MTCL1: variants seen among roughly 807,000 people sequenced by gnomAD.
MTCL1 encodes microtubule crosslinking factor 1.
MTCL1 carries 79 observed loss-of-function variants against 141.4 expected under a neutral mutation model. The ratio of observed to expected loss-of-function variants is 0.56; its 90% CI spans 0.47 to 0.67. The LOEUF is 0.67. Among genes scored for constraint, MTCL1 ranks in the 30% least tolerant of loss-of-function variants. The probability of loss-of-function intolerance (pLI) is 0.00; values close to 1 mark genes in which losing one functional copy is unlikely to be tolerated. For synonymous variants in MTCL1, 914 were observed against 875.8 expected, an observed-to-expected ratio of 1.04 and a Z score of -0.77; for missense variants, 2,177 against 2,113.9, an observed-to-expected ratio of 1.03 and a Z score of -0.59.
intron 6 of MTCL1, among the ~76,000 whole-genome samples, 187 bp downstream of exon 5, chr18:8,785,030 T>G (rs555453767): frequency 3.9e-5 from 6 of 152,080 alleles, no homozygotes; most frequent in East Asian, 1.9e-4. Flanking sequence ...TGTTTTTTTT[T>G]TTTTTAAGTT....
intron 4 of MTCL1, among the ~76,000 whole-genome samples, chr18:8,740,380 A>G (rs1472264900): frequency 4.6e-5 from 7 of 152,208 alleles, no homozygotes; most frequent in South Asian, 2.1e-4. Flanking sequence ...TTTTATTTGT[A>G]TGTTACAGCC....
chr18:8,754,153 C>CT (rs2096385655), intron 4 of MTCL1, among the ~76,000 whole-genome samples: 1 of 152,150 alleles, frequency 6.6e-6, no homozygotes, highest in Non-Finnish European at 1.5e-5. Flanking sequence ...TCACTGCAAC[C>CT]TTTACATCCT....
Position 8,755,255 on chromosome 18 carries a change from G to A in MTCL1, c.358-22578G>A, listed in dbSNP as rs72936062. On this transcript the variant is annotated intron_variant, in intron 4 of 16. Coordinates refer to ENST00000359865, the Ensembl canonical transcript of MTCL1. Reference sequence around the variant, plus strand: ...ACCTAGGCCTTCTCCTGCCAAGGTCGCAGGTGCTATTTGGGATGTCGTTTG... The same window carrying A: ...ACCTAGGCCTTCTCCTGCCAAGGTCACAGGTGCTATTTGGGATGTCGTTTG... Among the ~76,000 whole-genome samples, 1,055 of 152,334 alleles carry A rather than the reference G, an allele frequency of 6.9e-3. 12 individuals carry two copies. Among genetic ancestry groups the A allele is most frequent in the East Asian group, 0.038 (197 of 5,190 alleles).
chr18:8,731,664 G>A (rs1299750201), intron 4 of MTCL1, among the ~76,000 whole-genome samples: 1 of 152,162 alleles, frequency 6.6e-6, no homozygotes, highest in Admixed American at 6.5e-5. Context: ...CAAATTTGTA[G>A]CATTGTCTGT....
rs1200899881 is a variant in MTCL1, at chr18:8,828,003, C to G, written c.4723-905C>G. Reference sequence around the variant, plus strand: ...GCAGGGCCTCAGAGCGGGCATGGAGCACTCATCGGCAGCATCTAAATGCCA... The same window carrying G: ...GCAGGGCCTCAGAGCGGGCATGGAGGACTCATCGGCAGCATCTAAATGCCA... On this transcript the variant is annotated intron_variant, in intron 15 of 16. Coordinates refer to ENST00000359865, the Ensembl canonical transcript of MTCL1. This position sits in a 1 kb window ranked among gnomAD's most constrained non-coding sequence, Gnocchi z 5.2. 3.9e-5 allele frequency among the ~76,000 whole-genome samples: 6 copies of G among 152,210 alleles called. No homozygotes were observed. The highest frequency in any genetic ancestry group is 8.8e-5 in the Non-Finnish European group (6 of 68,046).
Position 8,706,650 on chromosome 18 carries a change from G to A in MTCL1, c.990G>A (p.Ala330=), listed in dbSNP as rs1242861472. 3 of 1,546,102 alleles carry A rather than the reference G, an allele frequency of 1.9e-6. No homozygotes were observed. In the African/African-American group the frequency reaches 4.1e-5, roughly 21 times the overall value. ...GCGAGCAGTCTCGGCTCGTGCCAGCGGCGGAGGAAGAAGAGCTGCTGCGGG... is the reference window on the plus strand; with the variant it reads ...GCGAGCAGTCTCGGCTCGTGCCAGCAGCGGAGGAAGAAGAGCTGCTGCGGG... The change falls in exon 1 of 14, where the codon GCG becomes GCA. Residue 330 remains alanine (A), a synonymous_variant. Transcript: ENST00000306329.
exon 9 of MTCL1, chr18:8,796,251 A>G: frequency 1.9e-6 from 3 of 1,614,124 alleles, no homozygotes; most frequent in African/African-American, 1.3e-5. Flanking sequence ...GAGCACCTCT[A>G]TGCCTTGAGG....
chr18:8,809,621 C>T, intron 11 of MTCL1: 1 of 1,528,206 alleles, frequency 6.5e-7, no homozygotes, highest in Non-Finnish European at 8.8e-7. Flanking sequence ...AGGGCACACA[C>T]CTGAAAAAAA....
chr18:8,815,490 G>A (rs1268759745), intron 12 of MTCL1, among the ~76,000 whole-genome samples: 1 of 151,896 alleles, frequency 6.6e-6, no homozygotes. Flanking sequence ...GGAGGTGGGG[G>A]ATAGCATTAG....
chr18:8,763,739 G>A (rs543875108), intron 4 of MTCL1, among the ~76,000 whole-genome samples: 28 of 152,254 alleles, frequency 1.8e-4, no homozygotes, highest in Non-Finnish European at 1.9e-4. Context: ...TAATAGCAGG[G>A]GAGAGAACAC....
intron 12 of MTCL1, among the ~76,000 whole-genome samples, chr18:8,815,361 G>A (rs775177): frequency 0.35 from 53,192 of 151,712 alleles, 9,662 homozygotes; most frequent in East Asian, 0.56. Context: ...TCTCAGTACT[G>A]TCGCAAGGAC....
intron 6 of MTCL1, 114 bp from the exon 6 acceptor site, chr18:8,785,822 T>C: frequency 2.3e-6 from 3 of 1,308,368 alleles, no homozygotes; most frequent in Non-Finnish European, 3.1e-6. Flanking sequence ...CCCTTGTCCA[T>C]TTTTGTTTTC....
In MTCL1 at chr18:8,825,004, CG is replaced by C; in HGVS notation, c.3496del (p.Asp1166ThrfsTer3). 6.2e-7 allele frequency: 1 copy of C among 1,613,256 alleles called. No individual in the cohort carries two copies. The highest frequency in any genetic ancestry group is 8.5e-7 in the Non-Finnish European group (1 of 1,180,030). On this transcript the variant is annotated frameshift_variant, in exon 15 of 17. Transcript: ENST00000359865. LOFTEE classifies it high-confidence loss of function. ...CTAACCACAAGTGTCACCATGACCA[CG>C]GACACCATGACCAGCCCAGAGCACT...
At chr18:8,821,101 A>T (rs1187849156) in intron 13 of MTCL1, among the ~76,000 whole-genome samples, 1 of 151,926 alleles carries the variant, frequency 6.6e-6, no homozygotes, top group East Asian at 1.9e-4. Flanking sequence ...TCTCTCTCTC[A>T]GTCTCACTCT....
chr18:8,784,240 G>T, exon 6 of MTCL1: 1 of 1,608,734 alleles, frequency 6.2e-7, no homozygotes, highest in Non-Finnish European at 8.5e-7. Context: ...CCCACCTGGG[G>T]CTGCGTGCCC....
chr18:8,820,461 T>G (rs2076809847), intron 13 of MTCL1, among the ~76,000 whole-genome samples: 1 of 152,204 alleles, frequency 6.6e-6, no homozygotes, highest in Non-Finnish European at 1.5e-5. Flanking sequence ...GTTCAACAGT[T>G]GCTGCACCTA....
intron 4 of MTCL1, among the ~76,000 whole-genome samples, chr18:8,777,074 A>T (rs2096513646): frequency 6.6e-6 from 1 of 152,190 alleles, no homozygotes; most frequent in Admixed American, 6.5e-5. Context: ...CTCTACTAAA[A>T]ATACAAAAAA....
chr18:8,785,759 T>A, intron 6 of MTCL1, 177 bp from the exon 6 acceptor site: 4 of 727,102 alleles, frequency 5.5e-6, no homozygotes, highest in Non-Finnish European at 9.0e-6. Context: ...CACCACTGTC[T>A]TTAAGCCTGT....
At chr18:8,757,676 A>G (rs900233403) in intron 4 of MTCL1, among the ~76,000 whole-genome samples, 3 of 152,176 alleles carry the variant, frequency 2.0e-5, no homozygotes, top group Non-Finnish European at 1.5e-5. Context: ...ATGCCAGGGC[A>G]TGTTTGGAGA....
Sources: gnomAD v4.1 joint callset for allele counts (sites outside exome capture counted in the v4.1 genomes callset) on GRCh38, gnomAD v4.1.1 for gene constraint, Gnocchi (gnomAD v3.1) non-coding constraint, MANE v1.5 for transcripts, NCBI Gene and HGNC (gene_info 2026-07-23, HGNC 2026-07-21) for gene names.